Variants in MTG1 observed in about 807,000 individuals in gnomAD.
The protein encoded by MTG1 is mitochondrial ribosome associated GTPase 1, also known as mitochondrial ribosome-associated GTPase 1.
In MTG1, 30 loss-of-function variants were observed where a neutral mutation model predicts 39.5. The observed-to-expected ratio is 0.76, with a 90% CI of 0.57 to 1.03. MTG1 has a LOEUF of 1.03. MTG1 is among the 50% of genes least tolerant of loss of function. MTG1 has a pLI of 0.00. For synonymous variants in MTG1, 217 were observed against 179.0 expected (o/e 1.21, Z -1.69); for missense variants, 513 against 447.4 (o/e 1.15, Z -1.32).
intron 9 of MTG1, among the ~76,000 whole-genome samples, chr10:133,415,389 A>G (rs911379918): frequency 3.3e-5 from 5 of 152,224 alleles, no homozygotes; most frequent in Non-Finnish European, 5.9e-5. Context: ...TTGTCTGAAG[A>G]TGTCTTTATT....
Position 133,401,993 on chromosome 10 carries a change from A to T in MTG1, c.574-156A>T, listed in dbSNP as rs576147450. 2.9e-4 allele frequency: 217 copies of T among 746,906 alleles called. 1 individual carries two copies. The South Asian group carries it at 3.5e-3, about 12-fold the overall frequency. 46.3% of individuals were successfully genotyped at this position (746,906 alleles called of 1,614,324 possible). On this transcript the variant is annotated intron_variant, in intron 7 of 10. Coordinates refer to ENST00000317502, the MANE Select transcript of MTG1 (RefSeq NM_138384.4). ...AAGTGGGAATTAGATCCTCTGGGGAACCCTGGAGCTTGGTGAGAGTGACGC... is the reference window on the plus strand; with the variant it reads ...AAGTGGGAATTAGATCCTCTGGGGATCCCTGGAGCTTGGTGAGAGTGACGC...
chr10:133,396,106 A>G, intron 2 of MTG1, 57 bp from the exon 3 acceptor site: 1 of 1,528,234 alleles, frequency 6.5e-7, no homozygotes, highest in South Asian at 1.1e-5. Context: ...TGATGGCAAG[A>G]AAAAAAGTTG....
intron 9 of MTG1, among the ~76,000 whole-genome samples, chr10:133,409,872 G>T (rs776642024): frequency 6.9e-6 from 1 of 144,370 alleles, no homozygotes; most frequent in Non-Finnish European, 1.5e-5. Context: ...AGTCTGTTCT[G>T]TCATCTGTAA....
rs1376565036 is a variant in MTG1 at position 133,399,194 on chromosome 10, A to C, written c.388A>C (p.Ile130Leu). The C allele has an allele frequency of 6.2e-7, 1 of 1,613,798 alleles. No homozygotes were observed. The highest frequency in any genetic ancestry group is 8.5e-7 in the Non-Finnish European group (1 of 1,179,984). ...GATCATCCCGATGGTCACTGAACTG[A>C]TTGGGAGAAGCCACCGCTACCACCG... ...KQIIPMVTEL[I>L]GRSHRYHRKE... The change falls in exon 5 of 11, where the codon ATT (isoleucine) becomes CTT (leucine). Residue 130 changes from isoleucine to leucine, a missense_variant. Physicochemically the swap from Ile to Leu is conservative, Grantham distance 5 (BLOSUM62 2). Coordinates refer to ENST00000317502, the MANE Select transcript of MTG1 (RefSeq NM_138384.4).
chr10:133,397,330 T>C (rs1589908398), intron 3 of MTG1, among the ~76,000 whole-genome samples: 1 of 151,844 alleles, frequency 6.6e-6, no homozygotes, highest in East Asian at 1.9e-4. Context: ...TGGAGATGGC[T>C]CACACTCCTT....
At chr10:133,404,859 G>A (rs539689180) in intron 9 of MTG1, among the ~76,000 whole-genome samples, 1 of 152,296 alleles carries the variant, frequency 6.6e-6, no homozygotes, top group South Asian at 2.1e-4. Flanking sequence ...ATATACGTGG[G>A]TCTGTTTGTG....
chr10:133,398,557 G>A, intron 4 of MTG1, 42 bp downstream of exon 4: 1 of 1,585,328 alleles, frequency 6.3e-7, no homozygotes, highest in Non-Finnish European at 8.6e-7. Context: ...TTCTGCTTCA[G>A]TAGGTTCGAG....
intron 6 of MTG1, 29 bp from the exon 7 acceptor site, chr10:133,401,498 ATT>A: frequency 6.5e-7 from 1 of 1,537,956 alleles, no homozygotes; most frequent in Non-Finnish European, 8.8e-7. Context: ...TTTAGTATAC[ATT>A]TGAGCCTCCT....
rs902876782 is a variant in MTG1 at position 133,420,213 on chromosome 10, C to T, written c.*48C>T. 3.2e-6 allele frequency: 5 copies of T among 1,558,212 alleles called. No individual in the cohort carries two copies. The Admixed American group carries it at 5.4e-5, about 17-fold the overall frequency. On this transcript the variant is annotated 3_prime_UTR_variant, in exon 11 of 11. Transcript: ENST00000317502. Reference sequence around the variant, plus strand: ...GGAGGCATGTGGCCTCCCAGACCTCCTGACCTGGGTGGTTGAGGCTCAAGA... The same window carrying T: ...GGAGGCATGTGGCCTCCCAGACCTCTTGACCTGGGTGGTTGAGGCTCAAGA...
chr10:133,396,044 C>A, intron 2 of MTG1, 119 bp from the exon 3 acceptor site: 1 of 975,944 alleles, frequency 1.0e-6, no homozygotes, highest in Non-Finnish European at 1.6e-6. Context: ...CCAACTGGGG[C>A]TTTTCTCCTG....
At chr10:133,399,427 T>G in intron 5 of MTG1, 102 bp from the exon 6 acceptor site, 3 of 1,295,864 alleles carry the variant, frequency 2.3e-6, no homozygotes, top group Non-Finnish European at 3.3e-6. Flanking sequence ...CCTTCTTCCC[T>G]GAGCTGACCT....
intron 4 of MTG1, 21 bp from the exon 5 acceptor site, chr10:133,399,149 A>G (rs771972946): frequency 3.7e-6 from 6 of 1,614,022 alleles, no homozygotes; most frequent in Middle Eastern, 1.6e-4. Context: ...GGGTGGCTCC[A>G]TGAGTGGGTG....
intron 9 of MTG1, among the ~76,000 whole-genome samples, chr10:133,416,007 G>GGC (rs1454528570): frequency 0.012 from 1,696 of 138,032 alleles, 37 homozygotes; most frequent in African/African-American, 0.049. Context: ...CGGGCAGGCG[G>GGC]GTGTCGGGCA....
At chr10:133,417,046 C>A (rs1850142884) in intron 9 of MTG1, among the ~76,000 whole-genome samples, 1 of 150,864 alleles carries the variant, frequency 6.6e-6, no homozygotes, top group South Asian at 2.1e-4. Flanking sequence ...CCTATTTCTC[C>A]ACATCCTCTC....
At chr10:133,394,839 G>A (rs1054122740) in intron 1 of MTG1, 6 of 728,878 alleles carry the variant, frequency 8.2e-6, no homozygotes, top group Non-Finnish European at 1.0e-5. Context: ...AGACCTCTGG[G>A]GCCAGCCCAG....
chr10:133,399,929 A>C, intron 6 of MTG1: 1 of 266,042 alleles, frequency 3.8e-6, no homozygotes, highest in East Asian at 8.6e-5. Context: ...TGCATGGCTC[A>C]CGCCTGTAAT....
In MTG1 at chr10:133,398,301, G is replaced by A. The variant is rs568921220; in HGVS notation, c.283-134G>A. The A allele has an allele frequency of 3.2e-4, 252 of 775,428 alleles. 1 individual carries two copies. In the African/African-American group the frequency reaches 4.2e-3, roughly 13 times the overall value. The allele number at this position is 775,428 out of a possible 1,614,324, so 48.0% of individuals were successfully genotyped here. On this transcript the variant is annotated intron_variant, in intron 3 of 10. Coordinates refer to ENST00000317502, the MANE Select transcript of MTG1 (RefSeq NM_138384.4). ...TGTAATCCCTGCTACTTGGGAGGCT[G>A]AGGCATGAGAATCGCTTGAACCAGG... is the stretch of plus-strand genomic sequence containing the variant.
chr10:133,403,856 G>GT (rs1268846107), intron 9 of MTG1, among the ~76,000 whole-genome samples: 1 of 152,142 alleles, frequency 6.6e-6, no homozygotes, highest in Non-Finnish European at 1.5e-5. Context: ...CCGCCACATT[G>GT]TTTTCCAAGG....
rs778845362 is a variant in MTG1 at position 133,419,472 on chromosome 10, A to G, written c.753-8A>G. 4.3e-5 allele frequency: 68 copies of G among 1,584,340 alleles called. 2 individuals are homozygous for G. The Middle Eastern group carries it at 4.5e-3, about 105-fold the overall frequency. On this transcript the variant is annotated splice_region_variant and splice_polypyrimidine_tract_variant and intron_variant, in intron 9 of 10. Transcript: ENST00000317502. ...GCCCCCTGGTGCTGACCTGCAGCCT[A>G]TGTGCAGGTACGTGCAGCACTACGG...
Sources: allele counts gnomAD v4.1 joint callset (sites outside exome capture counted in the v4.1 genomes callset), GRCh38; gene constraint gnomAD v4.1.1; transcripts MANE v1.5; gene names NCBI Gene and HGNC (gene_info 2026-07-23, HGNC 2026-07-21).